Variants in CAPN12 observed in about 807,000 individuals in gnomAD.
CAPN12 encodes calpain-12.
A neutral mutation model predicts 95.0 loss-of-function variants in CAPN12; 107 were observed. The ratio of observed to expected loss-of-function variants is 1.13; its 90% confidence interval spans 0.96 to 1.32. The LOEUF is 1.32. CAPN12 is among the 40% of genes most tolerant of loss of function. The pLI is 0.00. For synonymous variants in CAPN12, 505 were observed against 415.5 expected, an observed-to-expected ratio of 1.22 and a Z score of -2.62; for missense variants, 1,136 against 997.8, an observed-to-expected ratio of 1.14 and a Z score of -1.87.
In CAPN12 at chr19:38,731,207, G is replaced by C; in HGVS notation, c.1974C>G (p.Asn658Lys). 5.6e-6 allele frequency: 9 copies of C among 1,612,700 alleles called. No individual in the cohort carries two copies. The highest frequency in any genetic ancestry group is 7.6e-6 in the Non-Finnish European group (9 of 1,179,978). The change falls in exon 19 of 21, where the codon AAC becomes AAG. Residue 658 changes from asparagine to lysine, a missense_variant. By Grantham distance (94) the Asn-to-Lys change is moderately conservative. Transcript: ENST00000328867. Reference sequence around the variant, plus strand: ...GGCTGGTGAGGGTCTGGGTCAGCTGGTTGTTCAGGTGGAAGCCTAGGGGGA... The same window carrying C: ...GGCTGGTGAGGGTCTGGGTCAGCTGCTTGTTCAGGTGGAAGCCTAGGGGGA... Reference protein sequence around the residue: ...ALNAAGFHLNNQLTQTLTSRY... With the variant: ...ALNAAGFHLNKQLTQTLTSRY...
At position 38,744,283 on chromosome 19, in the gene CAPN12, G is replaced by T; in HGVS notation, c.-118C>A. The stretch of plus-strand genomic sequence containing the variant: ...TTTAGGCAATGAGGAGCCTTCCCTC[G>T]TTAATATTAATTGATGGTTTGGGGT... On this transcript the variant is annotated 5_prime_UTR_variant, in exon 1 of 21. Coordinates refer to ENST00000328867, the MANE Select transcript of CAPN12 (RefSeq NM_144691.4). 3 of 940,496 alleles carry T rather than the reference G, an allele frequency of 3.2e-6. No individual in the cohort carries two copies. Among genetic ancestry groups the T allele is most frequent in the African/African-American group, 1.6e-5 (1 of 61,390 alleles). The allele number at this position is 940,496 out of a possible 1,614,324, so 58.3% of individuals were successfully genotyped here.
chr19:38,736,701 G>T (rs1032013884), intron 10 of CAPN12, 138 bp from the exon 11 acceptor site: 2 of 1,120,504 alleles, frequency 1.8e-6, no homozygotes, highest in Non-Finnish European at 2.5e-6. Flanking sequence ...CCTTTGCCCC[G>T]CAGTCCCCGA....
chr19:38,742,103 A>C, intron 3 of CAPN12, 193 bp from the exon 4 acceptor site: 1 of 722,106 alleles, frequency 1.4e-6, no homozygotes, highest in Non-Finnish European at 2.2e-6. Context: ...AGGCGGATGG[A>C]TCACGAGGTC....
chr19:38,737,548 G>T lies in CAPN12; in HGVS notation c.1056C>A (p.Gly352=), dbSNP rs116231396. 6.2e-7 allele frequency: 1 copy of T among 1,612,384 alleles called. No individual in the cohort carries two copies. Among genetic ancestry groups the T allele is most frequent in the Non-Finnish European group, 8.5e-7 (1 of 1,179,820 alleles). Residue 352 remains glycine, a synonymous_variant, in exon 9 of 21, where the codon GGC becomes GGA. Coordinates refer to ENST00000328867, the MANE Select transcript of CAPN12 (RefSeq NM_144691.4). ...PEVLGPSPEG[G]GWHVHTFQGR... ...CTTGGAAGGTGTGGACGTGCCAGCC[G>T]CCCCCCTCCGGGCTGGGGCCCAGCA...
chr19:38,742,139 G>A (rs1368866372), intron 3 of CAPN12: 4 of 631,560 alleles, frequency 6.3e-6, no homozygotes, highest in South Asian at 2.0e-5. Flanking sequence ...GCCTGGCTAA[G>A]ATGGTGAAAT....
At chr19:38,734,292 C>T (rs1270486737) in intron 16 of CAPN12, 27 bp downstream of exon 16, 1 of 1,603,446 alleles carries the variant, frequency 6.2e-7, no homozygotes, top group African/African-American at 1.3e-5. Flanking sequence ...CACTCCCTCC[C>T]TCACCCAGGC....
At position 38,735,447 on chromosome 19, in the gene CAPN12, T is replaced by C. The variant is rs1202070479; in HGVS notation, c.1627-18A>G. ...TAGGGGCCCTGCCGCATGGCGGAAG[T>C]TTAGCGCTGGCCAAGATCCCCGCCC... On this transcript the variant is annotated intron_variant, in intron 13 of 20. Transcript: ENST00000328867. 2 of 1,610,534 alleles carry C rather than the reference T, an allele frequency of 1.2e-6. No homozygotes were observed. Among genetic ancestry groups the C allele is most frequent in the African/African-American group, 1.3e-5 (1 of 74,640 alleles).
rs1251954423 is a variant in CAPN12, at chr19:38,736,050, CG to C, written c.1583+59del. 11 of 667,094 alleles carry C rather than the reference CG, an allele frequency of 1.6e-5. No homozygotes were observed. The African/African-American group carries it at 3.1e-4, about 19-fold the overall frequency. 41.3% of individuals were successfully genotyped at this position (667,094 alleles called of 1,614,324 possible). A position where few individuals can be genotyped will look rare whatever the true frequency, so the allele number is the denominator to read the frequency against. ...GGGGTCTCGGGGGTCTCGGGGGTCT[CG>C]GGGGTCTCGGGGCCTGTCTAGGCAG... is the stretch of plus-strand genomic sequence containing the variant. On this transcript the variant is annotated intron_variant, in intron 12 of 20. Transcript: ENST00000328867.
At position 38,733,691 on chromosome 19, in the gene CAPN12, C is replaced by A. The variant is rs753772829; in HGVS notation, c.1957+12G>T. The A allele has an allele frequency of 1.9e-6, 3 of 1,612,582 alleles. No individual in the cohort carries two copies. In the South Asian group the frequency reaches 3.3e-5, roughly 18 times the overall value. ...TCCTGTCCCCACGACCACCCCAGGA[C>A]CCTGTCCACACCTGCTGCATTCAGT... On this transcript the variant is annotated intron_variant, in intron 18 of 20. Coordinates refer to ENST00000328867, the MANE Select transcript of CAPN12 (RefSeq NM_144691.4).
In CAPN12 at chr19:38,742,548, T is replaced by C; in HGVS notation, c.308-20A>G. The C allele has an allele frequency of 6.4e-7, 1 of 1,564,624 alleles. No homozygotes were observed. Among genetic ancestry groups the C allele is most frequent in the Non-Finnish European group, 8.8e-7 (1 of 1,141,802 alleles). ...AGTTACCTGGGAGGAGAGGCCAGGA[T>C]TAGGTGAGGATGGAAGGAGGGAGGC... On this transcript the variant is annotated intron_variant, in intron 2 of 20. Transcript: ENST00000328867.
At chr19:38,741,658 T>G in intron 4 of CAPN12, 119 bp downstream of exon 4, 1 of 1,281,332 alleles carries the variant, frequency 7.8e-7, no homozygotes, top group Non-Finnish European at 1.1e-6. Flanking sequence ...TCACTTGGTT[T>G]GGGATTCTTG....
chr19:38,741,227 G>A (rs1970526370), intron 4 of CAPN12, among the ~76,000 whole-genome samples: 1 of 152,070 alleles, frequency 6.6e-6, no homozygotes, highest in African/African-American at 2.4e-5. Context: ...TGAGTGACTG[G>A]GGGTCTCCAG....
chr19:38,734,091 G>A (rs986126698), intron 17 of CAPN12, 51 bp downstream of exon 17: 4 of 1,600,738 alleles, frequency 2.5e-6, no homozygotes, highest in South Asian at 1.1e-5. Context: ...CTATGTCTCT[G>A]TTAGTAAAGG....
chr19:38,733,616 G>T, intron 18 of CAPN12, 87 bp downstream of exon 18: 1 of 1,236,926 alleles, frequency 8.1e-7, no homozygotes, highest in Non-Finnish European at 1.2e-6. Context: ...AGTGCAGACG[G>T]CCACAGCTGA....
In CAPN12 at chr19:38,735,983, AGGGGTTCTGGGGGCG is replaced by A. The variant is rs1970092011; in HGVS notation, c.1583+112_1583+126del. On this transcript the variant is annotated intron_variant, in intron 12 of 20. Coordinates refer to ENST00000328867, the MANE Select transcript of CAPN12 (RefSeq NM_144691.4). Reference sequence around the variant, plus strand: ...TTCTGGGGGCGGGGCGGGGCGGGGCAGGGGTTCTGGGGGCGGGGCAGGTCAGGTCTCGGGGGTCTC... The same window carrying A: ...TTCTGGGGGCGGGGCGGGGCGGGGCAGGGCAGGTCAGGTCTCGGGGGTCTC... 6 of 36,422 alleles carry A rather than the reference AGGGGTTCTGGGGGCG, an allele frequency of 1.6e-4. 1 individual carries two copies. The highest frequency in any genetic ancestry group is 2.4e-4 in the Non-Finnish European group (6 of 25,238). The allele number at this position is 36,422 out of a possible 1,614,324, so 2.3% of individuals were successfully genotyped here.
chr19:38,734,367 G>A lies in CAPN12; in HGVS notation c.1767C>T (p.Pro589=). 3.1e-6 allele frequency: 5 copies of A among 1,604,926 alleles called. No homozygotes were observed. Among genetic ancestry groups the A allele is most frequent in the Non-Finnish European group, 2.6e-6 (3 of 1,175,246 alleles). The change falls in exon 16 of 21, where the codon CCC becomes CCT. Residue 589 remains proline, a synonymous_variant. Transcript: ENST00000328867. ...CACAGGTCCTGAGCCCGATCTCTCT[G>A]GGGGTGGAGGTATGGGCCCTGGCTA... ...LEPARAHTST[P]REIGLRTCEQ... is the part of the protein sequence containing the mutation.
At position 38,731,433 on chromosome 19, in the gene CAPN12, C is replaced by T. The variant is rs1969601876; in HGVS notation, c.1958-210G>A. On this transcript the variant is annotated intron_variant, in intron 18 of 20. Coordinates refer to ENST00000328867, the MANE Select transcript of CAPN12 (RefSeq NM_144691.4). ...AAACGGACTAAGACAGCCCCGACCC[C>T]ATAGGGTGTGTGAAGACAGAACGCT... 4 of 596,320 alleles carry T rather than the reference C, an allele frequency of 6.7e-6. No homozygotes were observed. The South Asian group carries it at 7.6e-5, about 11-fold the overall frequency. 36.9% of individuals were successfully genotyped at this position (596,320 alleles called of 1,614,324 possible).
intron 7 of CAPN12, 25 bp from the exon 8 acceptor site, chr19:38,738,372 C>G: frequency 6.2e-7 from 1 of 1,611,420 alleles, no homozygotes; most frequent in Non-Finnish European, 8.5e-7. Context: ...GTGTGAGGGG[C>G]GGGCAGGTGG....
chr19:38,733,572 C>T (rs1969792019), intron 18 of CAPN12, 131 bp downstream of exon 18: 2 of 789,910 alleles, frequency 2.5e-6, no homozygotes, highest in South Asian at 3.5e-5. Flanking sequence ...CAGGGACTGG[C>T]AACAAGCTAA....
Sources: gnomAD v4.1 joint callset for allele counts (sites outside exome capture counted in the v4.1 genomes callset) on GRCh38, gnomAD v4.1.1 for gene constraint, MANE v1.5 for transcripts, NCBI Gene and HGNC (gene_info 2026-07-23, HGNC 2026-07-21) for gene names.